ARHGAP36: variants seen among roughly 807,000 people sequenced by gnomAD.
The protein encoded by ARHGAP36 is Rho GTPase activating protein 36, also known as rho GTPase-activating protein 36.
A neutral mutation model predicts 32.9 loss-of-function variants in ARHGAP36; 7 were observed. The ratio of observed to expected loss-of-function variants is 0.21; its 90% CI spans 0.12 to 0.40. ARHGAP36 has a LOEUF of 0.40. Among genes scored for constraint, ARHGAP36 ranks in the 10% least tolerant of loss-of-function variants. The pLI is 1.00. For missense variants in ARHGAP36, 383 were observed against 442.2 expected, an observed-to-expected ratio of 0.87 and a Z score of 1.20; for synonymous variants, 165 against 168.3, an observed-to-expected ratio of 0.98 and a Z score of 0.15.
At chrX:131,075,183 GA>G (rs774308367) in intron 1 of ARHGAP36, among the ~76,000 whole-genome samples, 10 of 112,321 alleles carry the variant, frequency 8.9e-5, no homozygotes, top group Non-Finnish European at 1.5e-4. Flanking sequence ...GCTTGGCATA[GA>G]AATGTACCCT....
Position 131,085,074 on chromosome X carries a change from C to T in ARHGAP36, c.955+10C>T, listed in dbSNP as rs747167714. On this transcript the variant is annotated intron_variant, in intron 7 of 11. Transcript: ENST00000276211. ...TTCCTCCTGACAGCAAGTGAGTCTTCTGACCTCCCTAGTAGGGCAAGGAAA... is the reference window on the plus strand; with the variant it reads ...TTCCTCCTGACAGCAAGTGAGTCTTTTGACCTCCCTAGTAGGGCAAGGAAA... The T allele has an allele frequency of 8.3e-7, 1 of 1,203,450 alleles. No homozygotes were observed. Among genetic ancestry groups the T allele is most frequent in the South Asian group, 1.8e-5 (1 of 55,384 alleles).
intron 6 of ARHGAP36, 28 bp downstream of exon 6, chrX:131,084,709 TC>T: frequency 8.3e-7 from 1 of 1,209,167 alleles, no homozygotes. Flanking sequence ...ACATGTTTGT[TC>T]CTCCAATAAG....
At chrX:131,077,391 A>G (rs768267970) in intron 1 of ARHGAP36, among the ~76,000 whole-genome samples, 1 of 111,310 alleles carries the variant, frequency 9.0e-6, no homozygotes, top group African/African-American at 3.3e-5. Flanking sequence ...GATTTAAACC[A>G]TGGCATCAGT....
At chrX:131,086,202 G>A (rs16999801) in intron 9 of ARHGAP36, 113 bp downstream of exon 9, 221,340 of 1,107,281 alleles carry the variant, frequency 0.2, 16,351 homozygotes, top group Admixed American at 0.35. Context: ...CCACAAGATC[G>A]TCCAGTCTAG....
chrX:131,084,967 T>C lies in ARHGAP36; in HGVS notation c.858T>C (p.Asn286=). 1 of 1,211,806 alleles carries C rather than the reference T, an allele frequency of 8.3e-7. No individual in the cohort carries two copies. Among genetic ancestry groups the C allele is most frequent in the South Asian group, 1.8e-5 (1 of 56,986 alleles). Reference sequence around the variant, plus strand: ...ATGTAGTGCTGGATGACAATCAGAATGTGCATGATGTGGCTGCACTCCTCA... The same window carrying C: ...ATGTAGTGCTGGATGACAATCAGAACGTGCATGATGTGGCTGCACTCCTCA... ...GLDVVLDDNQ[N]VHDVAALLKE... The change falls in exon 7 of 12, where the codon AAT becomes AAC. Residue 286 remains asparagine, a synonymous_variant. Transcript: ENST00000276211.
chrX:131,064,963 G>GC (rs1011184775), intron 1 of ARHGAP36, among the ~76,000 whole-genome samples: 2 of 109,345 alleles, frequency 1.8e-5, no homozygotes, highest in Admixed American at 2.0e-4. Flanking sequence ...TCATGTTATG[G>GC]GAACACATTT....
chrX:131,072,802 AGGCACTGAGCT>A (rs2079739806), intron 1 of ARHGAP36, among the ~76,000 whole-genome samples: 3 of 111,922 alleles, frequency 2.7e-5, no homozygotes, highest in African/African-American at 9.8e-5. Context: ...GGTATACGTA[AGGCACTGAGCT>A]GGCTGCTGGG....
At chrX:131,080,443 A>G (rs949586046) in intron 1 of ARHGAP36, among the ~76,000 whole-genome samples, 1 of 111,810 alleles carries the variant, frequency 8.9e-6, no homozygotes. Flanking sequence ...CATCCTTTCA[A>G]TCTTTAGCGC....
At chrX:131,062,951 T>G (rs1235643719) in intron 1 of ARHGAP36, among the ~76,000 whole-genome samples, 1 of 112,083 alleles carries the variant, frequency 8.9e-6, no homozygotes, top group Non-Finnish European at 1.9e-5. Flanking sequence ...AAAACTCCTA[T>G]GCTGACATAT....
chrX:131,077,311 T>C (rs1237569237), intron 1 of ARHGAP36, among the ~76,000 whole-genome samples: 1 of 112,282 alleles, frequency 8.9e-6, no homozygotes, highest in African/African-American at 3.2e-5. Flanking sequence ...ATCAATTTCC[T>C]AAACTTTGAG....
At chrX:131,069,435 C>T (rs1231494958) in intron 1 of ARHGAP36, among the ~76,000 whole-genome samples, 1 of 111,826 alleles carries the variant, frequency 8.9e-6, no homozygotes, top group Non-Finnish European at 1.9e-5. Context: ...GCTTAGGTCG[C>T]GGGGTAGTTG....
chrX:131,071,478 T>C (rs1393776582), intron 1 of ARHGAP36, among the ~76,000 whole-genome samples: 1 of 111,259 alleles, frequency 9.0e-6, no homozygotes, highest in Non-Finnish European at 1.9e-5. Flanking sequence ...ATGGTAGCAA[T>C]GATGGTGAGG....
intron 1 of ARHGAP36, among the ~76,000 whole-genome samples, chrX:131,076,734 A>G (rs1359916631): frequency 2.7e-5 from 3 of 112,077 alleles, no homozygotes; most frequent in African/African-American, 9.7e-5. Context: ...TCTGTTGTCA[A>G]ATTGCTGTGT....
At chrX:131,076,025 A>G in intron 1 of ARHGAP36, among the ~76,000 whole-genome samples, 1 of 112,090 alleles carries the variant, frequency 8.9e-6, no homozygotes, top group Middle Eastern at 4.6e-3. Context: ...AAGTGGCATG[A>G]TTCATTTATT....
At chrX:131,082,359 C>T (rs937662375) in intron 2 of ARHGAP36, among the ~76,000 whole-genome samples, 1 of 112,535 alleles carries the variant, frequency 8.9e-6, no homozygotes, top group Non-Finnish European at 1.9e-5. Flanking sequence ...GAGAGAGACG[C>T]TCCTAGCCGG....
At chrX:131,059,086 T>G in intron 1 of ARHGAP36, among the ~76,000 whole-genome samples, 1 of 111,753 alleles carries the variant, frequency 8.9e-6, no homozygotes, top group East Asian at 2.8e-4. Context: ...GTCGGGTTCT[T>G]TCCTTGGGTA....
chrX:131,077,386 A>C (rs1042819624), intron 1 of ARHGAP36, among the ~76,000 whole-genome samples: 3 of 111,544 alleles, frequency 2.7e-5, no homozygotes, highest in Non-Finnish European at 5.6e-5. Flanking sequence ...ATAAGGATTT[A>C]AACCATGGCA....
At chrX:131,084,722 A>C in intron 6 of ARHGAP36, 41 bp downstream of exon 6, 2 of 1,203,514 alleles carry the variant, frequency 1.7e-6, no homozygotes, top group African/African-American at 3.5e-5. Flanking sequence ...TCCAATAAGA[A>C]AGAGCAGGAG....
intron 1 of ARHGAP36, among the ~76,000 whole-genome samples, chrX:131,058,764 A>G (rs1057450985): frequency 8.9e-6 from 1 of 112,962 alleles, no homozygotes; most frequent in African/African-American, 3.2e-5. Context: ...GCGTCCCGCA[A>G]CTCAAGGACC....
Sources: allele counts gnomAD v4.1 joint callset (sites outside exome capture counted in the v4.1 genomes callset), GRCh38; gene constraint gnomAD v4.1.1; transcripts MANE v1.5; gene names NCBI Gene and HGNC (gene_info 2026-07-23, HGNC 2026-07-21).